The following PAAF1 variants were observed in gnomAD, a reference collection of about 807,000 sequenced individuals.
PAAF1 encodes proteasomal ATPase associated factor 1, also known as proteasomal ATPase-associated factor 1.
Under a neutral mutation model 52.8 loss-of-function variants are expected in PAAF1, and 46 were observed. That is an observed-to-expected ratio of 0.87 (90% CI 0.69 to 1.11). PAAF1 has a LOEUF of 1.11. Among genes scored for constraint, PAAF1 ranks in the 50% most tolerant of loss-of-function variants. The probability of loss-of-function intolerance (pLI) is 0.00; values close to 1 mark genes in which losing one functional copy is unlikely to be tolerated. For synonymous variants in PAAF1, 178 were observed against 172.8 expected, an observed-to-expected ratio of 1.03 and a Z score of -0.24; for missense variants, 424 against 477.4, an observed-to-expected ratio of 0.89 and a Z score of 1.04.
At chr11:73,921,263 G>A (rs1399345494) in intron 10 of PAAF1, among the ~76,000 whole-genome samples, 1 of 150,600 alleles carries the variant, frequency 6.6e-6, no homozygotes, top group Admixed American at 6.6e-5. Context: ...TTGTACCACC[G>A]CACTCCAGCC....
chr11:73,882,510 G>A (rs1212295635), intron 2 of PAAF1, among the ~76,000 whole-genome samples: 1 of 150,846 alleles, frequency 6.6e-6, no homozygotes, highest in African/African-American at 2.4e-5. Flanking sequence ...GCAGTGGTGC[G>A]ATCTCCGCTC....
At chr11:73,885,112 G>A (rs1949025262) in intron 2 of PAAF1, among the ~76,000 whole-genome samples, 2 of 151,076 alleles carry the variant, frequency 1.3e-5, no homozygotes, top group South Asian at 4.2e-4. Context: ...ACCCGCCTCG[G>A]CCTCCCAAAG....
chr11:73,894,657 AT>A (rs758788058), intron 4 of PAAF1, among the ~76,000 whole-genome samples: 221 of 152,122 alleles, frequency 1.5e-3, no homozygotes, highest in Non-Finnish European at 1.5e-3. Flanking sequence ...ACTAAAAAAA[AT>A]AAAAATAAAA....
At chr11:73,916,429 G>A in intron 8 of PAAF1, 116 bp from the exon 9 acceptor site, 1 of 648,118 alleles carries the variant, frequency 1.5e-6, no homozygotes, top group Non-Finnish European at 2.7e-6. Flanking sequence ...AATAATTAAA[G>A]GGGGAAGGAA....
intron 10 of PAAF1, among the ~76,000 whole-genome samples, chr11:73,924,246 G>C (rs991002702): frequency 2.0e-5 from 3 of 152,142 alleles, no homozygotes; most frequent in African/African-American, 7.2e-5. Context: ...CCTGAGGTCA[G>C]GAGTTTGAGA....
At chr11:73,884,350 A>T (rs1472925530) in intron 2 of PAAF1, among the ~76,000 whole-genome samples, 1 of 151,882 alleles carries the variant, frequency 6.6e-6, no homozygotes, top group Non-Finnish European at 1.5e-5. Context: ...AAATAAAAAT[A>T]AAAAAAATAG....
At chr11:73,901,966 C>T (rs1285452272) in intron 6 of PAAF1, among the ~76,000 whole-genome samples, 5 of 149,956 alleles carry the variant, frequency 3.3e-5, no homozygotes, top group African/African-American at 4.9e-5. Flanking sequence ...CAGGCTCATG[C>T]GATCCTTGTG....
At chr11:73,914,894 C>T (rs1391664425) in intron 8 of PAAF1, among the ~76,000 whole-genome samples, 1 of 151,780 alleles carries the variant, frequency 6.6e-6, no homozygotes, top group Non-Finnish European at 1.5e-5. Flanking sequence ...TCAGTAGAGA[C>T]GGGGTTTCAC....
At chr11:73,897,806 G>A (rs940522969) in intron 4 of PAAF1, among the ~76,000 whole-genome samples, 3 of 152,260 alleles carry the variant, frequency 2.0e-5, no homozygotes, top group Middle Eastern at 3.4e-3. Context: ...CTGCAATCTC[G>A]GCACTTTGGG....
intron 4 of PAAF1, among the ~76,000 whole-genome samples, chr11:73,893,770 A>G (rs1351811432): frequency 6.6e-6 from 1 of 151,140 alleles, no homozygotes; most frequent in Non-Finnish European, 1.5e-5. Context: ...AAGAAAGAAA[A>G]AACTAAACGT....
intron 2 of PAAF1, among the ~76,000 whole-genome samples, chr11:73,880,947 T>C (rs2135122856): frequency 6.6e-6 from 1 of 151,958 alleles, no homozygotes. Context: ...TTGCAGTGAG[T>C]GGAGATCGTG....
In PAAF1 at chr11:73,930,175, C is replaced by G. The variant is rs1357971104; in HGVS notation, c.*2813C>G. ...CACAAGGTAAGGAGATTGAGACCAT[C>G]CTGGCTAACACAGTGAAACCCTGTC... On this transcript the variant is annotated 3_prime_UTR_variant, in exon 12 of 12. Transcript: ENST00000310571. 6.7e-6 allele frequency: 1 copy of G among 149,984 alleles called. No individual in the cohort carries two copies. Among genetic ancestry groups the G allele is most frequent in the Non-Finnish European group, 1.5e-5 (1 of 67,862 alleles). The allele number at this position is 149,984 out of a possible 1,614,324, so 9.3% of individuals were successfully genotyped here.
At position 73,891,168 on chromosome 11, in the gene PAAF1, A is replaced by G; in HGVS notation, c.249A>G (p.Pro83=). The change falls in exon 4 of 12, where the codon CCA becomes CCG. Residue 83 remains proline (P), a synonymous_variant. Coordinates refer to ENST00000310571, the MANE Select transcript of PAAF1 (RefSeq NM_025155.3). ...KENASSKFLA[P]YTTFSRIHTK... ...ATGCATCTTCTAAGTTTTTGGCACC[A>G]TATACTACTTTTTCCAGAATTCATA... 2 of 1,595,408 alleles carry G rather than the reference A, an allele frequency of 1.3e-6. No homozygotes were observed. Among genetic ancestry groups the G allele is most frequent in the Non-Finnish European group, 1.7e-6 (2 of 1,164,436 alleles).
intron 5 of PAAF1, 102 bp from the exon 6 acceptor site, chr11:73,900,168 T>C: frequency 7.9e-7 from 1 of 1,266,604 alleles, no homozygotes; most frequent in Non-Finnish European, 1.1e-6. Context: ...CATGTGGGTT[T>C]AGCATGTAGG....
intron 5 of PAAF1, among the ~76,000 whole-genome samples, 157 bp downstream of exon 5, chr11:73,899,401 T>C (rs1949528841): frequency 6.8e-6 from 1 of 147,882 alleles, no homozygotes; most frequent in Non-Finnish European, 1.5e-5. Flanking sequence ...TTTCTTTTTC[T>C]TTTTCTCTTT....
rs373770304 is a variant in PAAF1, at chr11:73,900,851, G to A, written c.532+431G>A. ...CAAAAAATTAGCCGGGCGTAGTGGCGGGCGCCTGTAGTCCCAGCTACTTGG... is the reference window on the plus strand; with the variant it reads ...CAAAAAATTAGCCGGGCGTAGTGGCAGGCGCCTGTAGTCCCAGCTACTTGG... On this transcript the variant is annotated intron_variant, in intron 6 of 11. Coordinates refer to ENST00000310571, the MANE Select transcript of PAAF1 (RefSeq NM_025155.3). Among the ~76,000 whole-genome samples the A allele has an allele frequency of 1.3e-4, 20 of 150,966 alleles. No individual in the cohort carries two copies. In the East Asian group the frequency reaches 1.4e-3, roughly 10 times the overall value.
At chr11:73,898,451 A>C (rs924728781) in intron 4 of PAAF1, among the ~76,000 whole-genome samples, 3 of 152,120 alleles carry the variant, frequency 2.0e-5, no homozygotes, top group African/African-American at 7.2e-5. Flanking sequence ...CCTGGGCTCA[A>C]GTAATCTTCC....
At chr11:73,896,880 A>G (rs1482389575) in intron 4 of PAAF1, among the ~76,000 whole-genome samples, 1 of 151,104 alleles carries the variant, frequency 6.6e-6, no homozygotes, top group Non-Finnish European at 1.5e-5. Context: ...GCGGCCAGGC[A>G]GAGGCGCCCC....
intron 6 of PAAF1, among the ~76,000 whole-genome samples, chr11:73,908,255 ATGTATATATGTGTATATATG>A (rs535428239): frequency 6.8e-6 from 1 of 147,164 alleles, no homozygotes; most frequent in African/African-American, 2.5e-5. Flanking sequence ...GTGTATATAT[ATGTATATATGTGTATATATG>A]TGTATATATG....
Sources: gnomAD v4.1 joint callset for allele counts (sites outside exome capture counted in the v4.1 genomes callset) on GRCh38, gnomAD v4.1.1 for gene constraint, MANE v1.5 for transcripts, NCBI Gene and HGNC (gene_info 2026-07-23, HGNC 2026-07-21) for gene names.